NRG3: variants seen among roughly 807,000 people sequenced by gnomAD.
The protein encoded by NRG3 is pro-neuregulin-3, membrane-bound isoform.
A neutral mutation model predicts 66.9 loss-of-function variants in NRG3; 31 were observed. The observed-to-expected ratio is 0.46, with a 90% CI of 0.35 to 0.63. The LOEUF is 0.63. NRG3 is among the 20% of genes least tolerant of loss of function. The pLI, the probability that NRG3 is intolerant of heterozygous loss-of-function variation, is 0.00. For missense variants in NRG3, 910 were observed against 878.9 expected (o/e 1.04, Z -0.45); for synonymous variants, 393 against 359.4 (o/e 1.09, Z -1.06).
At chr10:81,970,470 CA>C (rs1419454449) in intron 1 of NRG3, among the ~76,000 whole-genome samples, 4 of 152,144 alleles carry the variant, frequency 2.6e-5, no homozygotes, top group Non-Finnish European at 5.9e-5. Flanking sequence ...TGTAATTTTA[CA>C]ATGGCAAAAA....
chr10:82,268,494 C>T (rs1183556960), intron 1 of NRG3, among the ~76,000 whole-genome samples: 1 of 152,248 alleles, frequency 6.6e-6, no homozygotes, highest in South Asian at 2.1e-4. Flanking sequence ...TTCACCTTCC[C>T]TTACAAGATA....
chr10:82,037,543 T>A (rs573262507), intron 1 of NRG3, among the ~76,000 whole-genome samples: 1 of 152,286 alleles, frequency 6.6e-6, no homozygotes, highest in East Asian at 1.9e-4. Flanking sequence ...TTATTCAAAT[T>A]GCTTTCAAAC....
intron 1 of NRG3, among the ~76,000 whole-genome samples, chr10:81,983,735 A>G (rs1564711857): frequency 6.6e-6 from 1 of 152,204 alleles, no homozygotes; most frequent in African/African-American, 2.4e-5. Flanking sequence ...GGCACCTAAA[A>G]TGTTGTACAG....
chr10:82,427,783 G>C (rs1317621192), intron 2 of NRG3, among the ~76,000 whole-genome samples: 1 of 151,946 alleles, frequency 6.6e-6, no homozygotes, highest in South Asian at 2.1e-4. Flanking sequence ...CAAAGGACTG[G>C]TATTAATTCA....
At chr10:82,882,259 C>A (rs1466727873) in intron 4 of NRG3, among the ~76,000 whole-genome samples, 3 of 152,160 alleles carry the variant, frequency 2.0e-5, no homozygotes, top group African/African-American at 7.2e-5. Context: ...GTCTGTCTTA[C>A]CCCAAAATAT....
At chr10:82,223,742 A>AG (rs1000825365) in intron 1 of NRG3, among the ~76,000 whole-genome samples, 5 of 151,830 alleles carry the variant, frequency 3.3e-5, no homozygotes, top group African/African-American at 1.2e-4. Context: ...CACACTTCAC[A>AG]GACACACACT....
At chr10:81,967,142 A>T (rs1007877604) in intron 1 of NRG3, among the ~76,000 whole-genome samples, 1 of 151,736 alleles carries the variant, frequency 6.6e-6, no homozygotes, top group Non-Finnish European at 1.5e-5. Flanking sequence ...ATTATGTATC[A>T]TATATTTGTA....
intron 1 of NRG3, among the ~76,000 whole-genome samples, chr10:81,964,395 CAAA>C (rs58231167): frequency 0.021 from 1,385 of 65,830 alleles, 7 homozygotes; most frequent in Middle Eastern, 0.07. Context: ...GACTCTGTCT[CAAA>C]AAAAAAAAAA....
intron 1 of NRG3, among the ~76,000 whole-genome samples, chr10:82,256,797 G>A (rs755779774): frequency 2.6e-5 from 4 of 152,172 alleles, no homozygotes; most frequent in Non-Finnish European, 4.4e-5. Flanking sequence ...GGCAATGGAA[G>A]AGGAAGGACC....
intron 4 of NRG3, among the ~76,000 whole-genome samples, chr10:82,871,284 CTTT>C (rs34420488): frequency 2.1e-5 from 3 of 146,292 alleles, no homozygotes; most frequent in African/African-American, 2.5e-5. Context: ...AACTATTTGT[CTTT>C]TTTTTTTTTG....
chr10:82,823,250 T>C (rs1376352867), intron 3 of NRG3, among the ~76,000 whole-genome samples: 1 of 152,108 alleles, frequency 6.6e-6, no homozygotes, highest in East Asian at 1.9e-4. Flanking sequence ...GGTGTGGGGA[T>C]GTAAGAGCAC....
At chr10:82,251,407 T>C (rs1480189862) in intron 1 of NRG3, among the ~76,000 whole-genome samples, 1 of 152,166 alleles carries the variant, frequency 6.6e-6, no homozygotes, top group African/African-American at 2.4e-5. Context: ...TCATCTACAG[T>C]GGCCCTGCAG....
rs576640334 is a variant in NRG3 at position 82,492,201 on chromosome 10, A to G, written c.953+133333A>G. The stretch of plus-strand genomic sequence containing the variant: ...CAATTGCTCATGGAGCTGAGCTTGA[A>G]GGTTGACATGGATCATCCATTCTTT... On this transcript the variant is annotated intron_variant, in intron 2 of 8. Transcript: ENST00000372141. Among the ~76,000 whole-genome samples, 3 of 152,336 alleles carry G rather than the reference A, an allele frequency of 2.0e-5. No individual in the cohort carries two copies. The South Asian group carries it at 6.2e-4, about 32-fold the overall frequency.
intron 3 of NRG3, among the ~76,000 whole-genome samples, chr10:82,850,025 T>C (rs1004886483): frequency 2.0e-5 from 3 of 152,094 alleles, no homozygotes; most frequent in African/African-American, 7.2e-5. Context: ...AGTAAAACCA[T>C]CCAGGTGAGA....
At chr10:82,069,475 G>A (rs1432674815) in intron 1 of NRG3, among the ~76,000 whole-genome samples, 6 of 152,160 alleles carry the variant, frequency 3.9e-5, no homozygotes, top group Admixed American at 2.0e-4. Context: ...GAGGTATAGA[G>A]TGTCAGCTCC....
At chr10:82,358,906 G>T in intron 2 of NRG3, 38 bp downstream of exon 2, 1 of 1,613,172 alleles carries the variant, frequency 6.2e-7, no homozygotes, top group Non-Finnish European at 8.5e-7. Context: ...GGGCAGGCCC[G>T]TTGCAAGGCG....
chr10:81,973,030 G>A (rs144155793), intron 1 of NRG3, among the ~76,000 whole-genome samples: 97 of 152,168 alleles, frequency 6.4e-4, no homozygotes, highest in African/African-American at 2.1e-3. Context: ...GGTATTAAGC[G>A]TAGTACCCAT....
chr10:82,112,583 C>T (rs568926086), intron 1 of NRG3, among the ~76,000 whole-genome samples: 1 of 152,254 alleles, frequency 6.6e-6, no homozygotes, highest in East Asian at 1.9e-4. Context: ...ATAATTTGCA[C>T]ATTTCTTTTC....
chr10:81,963,724 C>T (rs1363961977), intron 1 of NRG3, among the ~76,000 whole-genome samples: 2 of 152,182 alleles, frequency 1.3e-5, no homozygotes, highest in African/African-American at 4.8e-5. Context: ...AAGGGTTGCT[C>T]TGTCAATGTA....
Sources: gnomAD v4.1 joint callset for allele counts (sites outside exome capture counted in the v4.1 genomes callset) on GRCh38, gnomAD v4.1.1 for gene constraint, MANE v1.5 for transcripts, NCBI Gene and HGNC (gene_info 2026-07-23, HGNC 2026-07-21) for gene names.